Variants in MAGI2 observed in about 807,000 individuals in gnomAD.
The protein encoded by MAGI2 is membrane associated guanylate kinase, WW and PDZ domain containing 2, also known as membrane-associated guanylate kinase, WW and PDZ domain-containing protein 2.
Under a neutral mutation model 133.3 loss-of-function variants are expected in MAGI2, and 35 were observed. The ratio of observed to expected loss-of-function variants is 0.26; its 90% CI spans 0.20 to 0.35. The LOEUF (loss-of-function observed/expected upper bound fraction) is 0.35, where lower values mean the gene tolerates loss of function less well. Among genes scored for constraint, MAGI2 ranks in the 10% least tolerant of loss-of-function variants. The pLI, the probability that MAGI2 is intolerant of heterozygous loss-of-function variation, is 1.00. For synonymous variants in MAGI2, 729 were observed against 710.6 expected (o/e 1.03, Z -0.41); for missense variants, 1,636 against 1,863.4 (o/e 0.88, Z 2.25).
At chr7:78,127,142 T>C in intron 19 of MAGI2, 55 bp downstream of exon 19, 2 of 1,337,886 alleles carry the variant, frequency 1.5e-6, no homozygotes, top group Non-Finnish European at 2.0e-6. Flanking sequence ...TTTCATTCCT[T>C]GCAGTTCTCT....
In MAGI2 at chr7:79,453,358, G is replaced by A; in HGVS notation, c.-38C>T. Reference sequence around the variant, plus strand: ...AGTCGCCTCAGTTCCTGGGCTCCTTGGGGTTAGGGGGGCTGGTGGTGAGAG... The same window carrying A: ...AGTCGCCTCAGTTCCTGGGCTCCTTAGGGTTAGGGGGGCTGGTGGTGAGAG... On this transcript the variant is annotated 5_prime_UTR_variant, in exon 1 of 22. Transcript: ENST00000354212. 1 of 1,556,122 alleles carries A rather than the reference G, an allele frequency of 6.4e-7. No homozygotes were observed. Among genetic ancestry groups the A allele is most frequent in the Non-Finnish European group, 8.7e-7 (1 of 1,152,920 alleles).
intron 10 of MAGI2, among the ~76,000 whole-genome samples, chr7:78,236,568 A>G (rs1049602888): frequency 1.2e-4 from 19 of 152,190 alleles, no homozygotes; most frequent in African/African-American, 4.6e-4. Context: ...GTTTCTCTGA[A>G]TTGGCATTTC....
intron 6 of MAGI2, among the ~76,000 whole-genome samples, chr7:78,421,244 A>G (rs962242361): frequency 8.5e-5 from 13 of 152,142 alleles, no homozygotes; most frequent in East Asian, 3.9e-4. Flanking sequence ...TGAAAAGAAT[A>G]AAAAAACAGG....
At chr7:78,653,363 T>C (rs1397311977) in intron 2 of MAGI2, among the ~76,000 whole-genome samples, 1 of 152,186 alleles carries the variant, frequency 6.6e-6, no homozygotes, top group East Asian at 1.9e-4. Context: ...CTGTTCACAA[T>C]AGCAAAGACT....
chr7:79,096,823 A>T (rs1817561322), intron 1 of MAGI2, among the ~76,000 whole-genome samples: 1 of 152,154 alleles, frequency 6.6e-6, no homozygotes, highest in African/African-American at 2.4e-5. Flanking sequence ...CTAGCAACCA[A>T]AATTGCTTTA....
In MAGI2 at chr7:78,081,673, T is replaced by C. The variant is rs1002987244; in HGVS notation, c.3568-2588A>G. Among the ~76,000 whole-genome samples, 23 of 152,316 alleles carry C rather than the reference T, an allele frequency of 1.5e-4. No individual in the cohort carries two copies. The South Asian group carries it at 2.1e-3, about 14-fold the overall frequency. ...ATTTGGGAAACTGTCAGTAGTTTAT[T>C]ATACTGTTCAGGAGTTTAGGTTTTA... is the stretch of plus-strand genomic sequence containing the variant. On this transcript the variant is annotated intron_variant, in intron 20 of 21. Transcript: ENST00000354212.
intron 20 of MAGI2, 66 bp from the exon 21 acceptor site, chr7:78,079,151 TA>T (rs1409683470): frequency 9.1e-4 from 1,336 of 1,471,078 alleles, no homozygotes; most frequent in Admixed American, 1.5e-3. Context: ...GTCAACAGAT[TA>T]AAAAAAAAGC....
At chr7:78,483,885 G>A (rs1250089149) in intron 6 of MAGI2, among the ~76,000 whole-genome samples, 1 of 151,900 alleles carries the variant, frequency 6.6e-6, no homozygotes, top group Non-Finnish European at 1.5e-5. Context: ...TACTTGAATA[G>A]TTAATACTGT....
chr7:78,546,449 AG>A (rs1402165691), intron 3 of MAGI2, among the ~76,000 whole-genome samples: 1 of 152,232 alleles, frequency 6.6e-6, no homozygotes, highest in African/African-American at 2.4e-5. Context: ...TCTAAATTAA[AG>A]AAAAGCATAA....
At chr7:78,491,536 G>C (rs556459850) in intron 5 of MAGI2, among the ~76,000 whole-genome samples, 3 of 152,028 alleles carry the variant, frequency 2.0e-5, no homozygotes. Flanking sequence ...TAAATTGATC[G>C]GATAAAGGCT....
At chr7:78,859,281 T>C (rs1036031229) in intron 2 of MAGI2, among the ~76,000 whole-genome samples, 2 of 152,174 alleles carry the variant, frequency 1.3e-5, no homozygotes, top group African/African-American at 4.8e-5. Flanking sequence ...ATCCTGTCAT[T>C]ATGATGTTAG....
At chr7:78,312,147 A>T (rs547319150) in intron 9 of MAGI2, among the ~76,000 whole-genome samples, 11 of 152,318 alleles carry the variant, frequency 7.2e-5, no homozygotes, top group African/African-American at 2.4e-4. Context: ...GCATTTATAT[A>T]TTGGAAAGCA....
At chr7:78,456,072 C>CA (rs770517827) in intron 6 of MAGI2, among the ~76,000 whole-genome samples, 1 of 146,782 alleles carries the variant, frequency 6.8e-6, no homozygotes, top group Non-Finnish European at 1.5e-5. Flanking sequence ...ACATGATGTA[C>CA]TTTTTTTTTT....
chr7:78,983,365 C>T (rs1029268488), intron 2 of MAGI2, among the ~76,000 whole-genome samples: 1 of 151,924 alleles, frequency 6.6e-6, no homozygotes, highest in Non-Finnish European at 1.5e-5. Flanking sequence ...AAATAAGACT[C>T]ATGTCATATT....
intron 3 of MAGI2, among the ~76,000 whole-genome samples, chr7:78,582,409 A>G (rs1385896486): frequency 6.6e-6 from 1 of 152,238 alleles, no homozygotes; most frequent in Non-Finnish European, 1.5e-5. Context: ...ATATAAAAGA[A>G]GGGAACAATT....
chr7:78,470,085 C>T (rs1234995554), intron 6 of MAGI2, among the ~76,000 whole-genome samples: 1 of 152,126 alleles, frequency 6.6e-6, no homozygotes, highest in Non-Finnish European at 1.5e-5. Flanking sequence ...TCCAGTCATG[C>T]ATCTTTCTCA....
At chr7:79,007,377 A>G (rs1807565292) in intron 1 of MAGI2, among the ~76,000 whole-genome samples, 171 bp from the exon 2 acceptor site, 1 of 152,202 alleles carries the variant, frequency 6.6e-6, no homozygotes, top group Non-Finnish European at 1.5e-5. Flanking sequence ...GATAACATTT[A>G]CTGAGACAAT....
intron 1 of MAGI2, among the ~76,000 whole-genome samples, chr7:79,100,577 T>C (rs913863777): frequency 4.4e-4 from 67 of 151,660 alleles, no homozygotes; most frequent in African/African-American, 1.5e-3. Context: ...TAAAATTGAT[T>C]CATAACAGTG....
At chr7:78,726,543 C>T (rs1820824566) in intron 2 of MAGI2, among the ~76,000 whole-genome samples, 1 of 152,136 alleles carries the variant, frequency 6.6e-6, no homozygotes, top group African/African-American at 2.4e-5. Context: ...TTTCCTTTAA[C>T]TGAAGTTAGA....
Sources: gnomAD v4.1 joint callset for allele counts (sites outside exome capture counted in the v4.1 genomes callset) on GRCh38, gnomAD v4.1.1 for gene constraint, MANE v1.5 for transcripts, NCBI Gene and HGNC (gene_info 2026-07-23, HGNC 2026-07-21) for gene names.